Variants in PTPRN2 observed in about 807,000 individuals in gnomAD.
The protein encoded by PTPRN2 is receptor-type tyrosine-protein phosphatase N2.
A neutral mutation model predicts 118.8 loss-of-function variants in PTPRN2; 74 were observed. The observed-to-expected ratio is 0.62, with a 90% CI of 0.52 to 0.76. The LOEUF (loss-of-function observed/expected upper bound fraction) is 0.76. Ranked by LOEUF, PTPRN2 falls within the 30% of genes least tolerant of loss-of-function variation. The pLI is 0.00. For missense variants in PTPRN2, 1,481 were observed against 1,394.4 expected (o/e 1.06, Z -0.99); for synonymous variants, 641 against 608.0 (o/e 1.05, Z -0.80).
At chr7:157,613,815 C>G (rs541276789) in intron 15 of PTPRN2, among the ~76,000 whole-genome samples, 1 of 152,274 alleles carries the variant, frequency 6.6e-6, no homozygotes, top group African/African-American at 2.4e-5. Flanking sequence ...GCAGGGGTCC[C>G]GAGGGCACCC....
intron 12 of PTPRN2, among the ~76,000 whole-genome samples, chr7:157,853,794 C>T (rs1271775143): frequency 1.3e-5 from 2 of 152,244 alleles, no homozygotes; most frequent in African/African-American, 4.8e-5. Context: ...GCCCTAAGCC[C>T]AGTACCTGTG....
Position 157,784,424 on chromosome 7 carries a change from C to T in PTPRN2, c.1789-101487G>A, listed in dbSNP as rs950665888. Among the ~76,000 whole-genome samples the T allele has an allele frequency of 6.6e-6, 1 of 152,172 alleles. No individual in the cohort carries two copies. Among genetic ancestry groups the T allele is most frequent in the African/African-American group, 2.4e-5 (1 of 41,440 alleles). On this transcript the variant is annotated intron_variant, in intron 12 of 22. Transcript: ENST00000389418. This position sits in a 1 kb window ranked among gnomAD's most constrained non-coding sequence, Gnocchi z 4.6. The stretch of plus-strand genomic sequence containing the variant: ...CTAGCAAGATGCCGACCTGCAGCAG[C>T]GCCCACAAGGCTCAGGGCTGGGTCC...
chr7:158,105,733 T>A (rs961472862), intron 10 of PTPRN2, among the ~76,000 whole-genome samples: 1 of 151,910 alleles, frequency 6.6e-6, no homozygotes, highest in African/African-American at 2.4e-5. Context: ...CCCAGCTCTA[T>A]CCATCTCCAT....
intron 12 of PTPRN2, among the ~76,000 whole-genome samples, chr7:157,737,429 C>T (rs532404442): frequency 1.3e-5 from 2 of 152,390 alleles, no homozygotes; most frequent in Admixed American, 1.3e-4. Flanking sequence ...GTGAGCCCTA[C>T]ATGCAGGAGC....
rs57252392 is a variant in PTPRN2, at chr7:157,696,319, T to C, written c.1789-13382A>G. Among the ~76,000 whole-genome samples the C allele has an allele frequency of 2.9e-4, 35 of 121,666 alleles. 1 individual carries two copies. Among genetic ancestry groups the C allele is most frequent in the African/African-American group, 1.1e-3 (34 of 30,196 alleles). 79.8% of individuals were successfully genotyped at this position (121,666 alleles called of 152,430 possible). ...AGAGCCCTCACCATCTACCCATGCA[T>C]ACTGGGTCTTAGTAGAGCCCTCACC... On this transcript the variant is annotated intron_variant, in intron 12 of 22. Coordinates refer to ENST00000389418, the MANE Select transcript of PTPRN2 (RefSeq NM_002847.5).
Position 158,546,382 on chromosome 7 carries a change from C to T in PTPRN2, c.112+41176G>A, listed in dbSNP as rs888312331. On this transcript the variant is annotated intron_variant, in intron 1 of 22. Coordinates refer to ENST00000389418, the MANE Select transcript of PTPRN2 (RefSeq NM_002847.5). The surrounding 1 kb of genome is among the most constrained non-coding windows in gnomAD (Gnocchi z 5.0). ...AAAGGGAATCCCTCCCAGGGGAGGA[C>T]GGACTGAGCTCTCAGAGTCCTTTGG... 2.0e-5 allele frequency among the ~76,000 whole-genome samples: 3 copies of T among 152,220 alleles called. No homozygotes were observed. Among genetic ancestry groups the T allele is most frequent in the Non-Finnish European group, 2.9e-5 (2 of 68,036 alleles).
chr7:158,222,884 A>T (rs1240421638), intron 3 of PTPRN2, among the ~76,000 whole-genome samples: 1 of 152,184 alleles, frequency 6.6e-6, no homozygotes, highest in Non-Finnish European at 1.5e-5. Context: ...AAGATAAATG[A>T]CAATGAAAGC....
chr7:158,390,642 C>T (rs904828742), intron 2 of PTPRN2, among the ~76,000 whole-genome samples: 2 of 152,216 alleles, frequency 1.3e-5, no homozygotes, highest in Non-Finnish European at 2.9e-5. Context: ...CTGTCCCATG[C>T]CAACTGCTGT....
At chr7:158,040,835 T>C (rs1006235956) in intron 11 of PTPRN2, among the ~76,000 whole-genome samples, 3 of 151,442 alleles carry the variant, frequency 2.0e-5, no homozygotes, top group Non-Finnish European at 2.9e-5. Context: ...CAGGTTCAAG[T>C]GATTCTCCTG....
At chr7:157,761,383 T>A (rs1257271287) in intron 12 of PTPRN2, among the ~76,000 whole-genome samples, 1 of 149,662 alleles carries the variant, frequency 6.7e-6, no homozygotes. Flanking sequence ...AACAGCATGG[T>A]ACTGGTACCA....
intron 3 of PTPRN2, among the ~76,000 whole-genome samples, chr7:158,294,707 A>G (rs1286687178): frequency 1.3e-5 from 2 of 152,216 alleles, no homozygotes; most frequent in Non-Finnish European, 2.9e-5. Flanking sequence ...TCCAGCCACA[A>G]GGAGACCTGG....
intron 11 of PTPRN2, among the ~76,000 whole-genome samples, chr7:158,017,019 T>C (rs1462125987): frequency 6.6e-6 from 1 of 152,148 alleles, no homozygotes; most frequent in East Asian, 1.9e-4. Context: ...CTTCCAATTT[T>C]AAAGAGAAAA....
At chr7:158,071,598 C>CTCGTGGTGGTGGAGATGCTCG (rs1563392311) in intron 11 of PTPRN2, among the ~76,000 whole-genome samples, 3 of 7,450 alleles carry the variant, frequency 4.0e-4, no homozygotes, top group Admixed American at 1.6e-3. Flanking sequence ...GGAGGTGCTC[C>CTCGTGGTGGTGGAGATGCTCG]TGGTGGAGGT....
At chr7:158,494,997 T>C (rs1821725850) in intron 1 of PTPRN2, among the ~76,000 whole-genome samples, 1 of 152,132 alleles carries the variant, frequency 6.6e-6, no homozygotes, top group Admixed American at 6.5e-5. Flanking sequence ...CCTGTTACTG[T>C]CAGTCACTCT....
Position 157,783,840 on chromosome 7 carries a change from T to C in PTPRN2, c.1789-100903A>G, listed in dbSNP as rs557168318. On this transcript the variant is annotated intron_variant, in intron 12 of 22. Coordinates refer to ENST00000389418, the MANE Select transcript of PTPRN2 (RefSeq NM_002847.5). ...CACATTTCATCTTTGCTCCAGGCCC[T>C]CTGAGGCTTGAACACTGCCCTGTTT... is the stretch of plus-strand genomic sequence containing the variant. Among the ~76,000 whole-genome samples, 3 of 152,166 alleles carry C rather than the reference T, an allele frequency of 2.0e-5. No homozygotes were observed. In the South Asian group the frequency reaches 6.2e-4, roughly 32 times the overall value.
At chr7:157,852,050 C>T (rs540069542) in intron 12 of PTPRN2, among the ~76,000 whole-genome samples, 2 of 152,366 alleles carry the variant, frequency 1.3e-5, no homozygotes, top group South Asian at 4.1e-4. Context: ...GACACCTTCA[C>T]GTTATCAGCC....
chr7:157,653,579 G>T (rs533898582), intron 14 of PTPRN2, among the ~76,000 whole-genome samples: 1 of 152,278 alleles, frequency 6.6e-6, no homozygotes, highest in East Asian at 1.9e-4. Flanking sequence ...GTCCTGGGAA[G>T]AGGTCTACCT....
rs1563555395 is a variant in PTPRN2, at chr7:158,171,282, T to TATATACAC, written c.550-3992_550-3991insGTGTATAT. Among the ~76,000 whole-genome samples the TATATACAC allele has an allele frequency of 8.5e-3, 163 of 19,288 alleles. 21 individuals are homozygous for TATATACAC. The highest frequency in any genetic ancestry group is 0.05 in the Middle Eastern group (1 of 20). The allele number at this position is 19,288 out of a possible 152,430, so 12.7% of individuals were successfully genotyped here. A position where few individuals can be genotyped will look rare whatever the true frequency, so the allele number is the denominator to read the frequency against. The stretch of plus-strand genomic sequence containing the variant: ...ATATATACACACATATATACACACA[T>TATATACAC]ATATATACACACATATATATACACA... On this transcript the variant is annotated intron_variant, in intron 5 of 22. Coordinates refer to ENST00000389418, the MANE Select transcript of PTPRN2 (RefSeq NM_002847.5).
intron 3 of PTPRN2, among the ~76,000 whole-genome samples, chr7:158,269,196 C>T (rs1165987596): frequency 6.6e-6 from 1 of 152,202 alleles, no homozygotes; most frequent in African/African-American, 2.4e-5. Flanking sequence ...CTAGGAGCCC[C>T]TGCCCGACCC....
Sources: allele counts gnomAD v4.1 joint callset (sites outside exome capture counted in the v4.1 genomes callset), GRCh38; gene constraint gnomAD v4.1.1; non-coding constraint Gnocchi (gnomAD v3.1); transcripts MANE v1.5; gene names NCBI Gene and HGNC (gene_info 2026-07-23, HGNC 2026-07-21).